The following PPP1R13B variants were observed in gnomAD, a reference collection of about 807,000 sequenced individuals.
PPP1R13B encodes the protein apoptosis-stimulating of p53 protein 1.
Under a neutral mutation model 119.8 loss-of-function variants are expected in PPP1R13B, and 44 were observed. That is an observed-to-expected ratio of 0.37 (90% confidence interval 0.29 to 0.47). PPP1R13B has a LOEUF of 0.47. PPP1R13B is among the 20% of genes least tolerant of loss of function. PPP1R13B has a pLI of 0.99. For missense variants in PPP1R13B, 1,227 were observed against 1,413.5 expected (o/e 0.87, Z 2.12); for synonymous variants, 542 against 561.5 (o/e 0.97, Z 0.49).
intron 4 of PPP1R13B, chr14:103,762,850 GAGTGGAAAA>G (rs2151994019): frequency 9.8e-7 from 1 of 1,025,350 alleles, no homozygotes; most frequent in South Asian, 1.4e-5. Context: ...AAGCAGGGAA[GAGTGGAAAA>G]AGTTCAAAAG....
At chr14:103,803,276 G>C (rs1371330788) in intron 1 of PPP1R13B, among the ~76,000 whole-genome samples, 2 of 152,056 alleles carry the variant, frequency 1.3e-5, no homozygotes, top group African/African-American at 2.4e-5. Flanking sequence ...AATTCAGTAG[G>C]ATTAAGGAAA....
rs2084213419 is a variant in PPP1R13B, at chr14:103,740,023, G to A, written c.2393C>T (p.Ser798Phe). The change falls in exon 12 of 17, where the codon TCC (serine) becomes TTC (phenylalanine). Residue 798 changes from serine (S) to phenylalanine (F), a missense_variant. Transcript: ENST00000202556. This position sits in a 1 kb window ranked among gnomAD's most constrained non-coding sequence, Gnocchi z 4.6. ...SSDANDNELP[S>F]PEPEELICPQ... ...ACAGATGAGCTCCTCTGGTTCGGGGGAAGGTAACTCATTATCATTGGCATC... is the reference window on the plus strand; with the variant it reads ...ACAGATGAGCTCCTCTGGTTCGGGGAAAGGTAACTCATTATCATTGGCATC... 2 of 1,613,932 alleles carry A rather than the reference G, an allele frequency of 1.2e-6. No homozygotes were observed. Among genetic ancestry groups the A allele is most frequent in the African/African-American group, 1.3e-5 (1 of 74,948 alleles).
Position 103,734,897 on chromosome 14 carries a change from G to C in PPP1R13B, c.*257C>G. The C allele has an allele frequency of 1.7e-6, 1 of 605,780 alleles. No individual in the cohort carries two copies. Among genetic ancestry groups the C allele is most frequent in the East Asian group, 3.4e-5 (1 of 29,424 alleles). The allele number at this position is 605,780 out of a possible 1,614,324, so 37.5% of individuals were successfully genotyped here. On this transcript the variant is annotated 3_prime_UTR_variant, in exon 17 of 17. Transcript: ENST00000202556. ...TAATGGCAAGAGGGGTGGGTGTTTTGAAAGTGGGTATTTATTTGGATTTAT... is the reference window on the plus strand; with the variant it reads ...TAATGGCAAGAGGGGTGGGTGTTTTCAAAGTGGGTATTTATTTGGATTTAT...
At chr14:103,837,917 A>G (rs2086814857) in intron 1 of PPP1R13B, among the ~76,000 whole-genome samples, 6 of 152,076 alleles carry the variant, frequency 3.9e-5, no homozygotes, top group Non-Finnish European at 1.5e-5. Flanking sequence ...TCAGGAGTTC[A>G]AGACCAGCCT....
At chr14:103,739,466 C>T (rs543593501) in intron 12 of PPP1R13B, among the ~76,000 whole-genome samples, 1 of 152,184 alleles carries the variant, frequency 6.6e-6, no homozygotes, top group African/African-American at 2.4e-5. Flanking sequence ...CTCTCTGCTC[C>T]GTCAACACTG....
chr14:103,737,716 G>A lies in PPP1R13B; in HGVS notation c.3009C>T (p.Ile1003=). ...DKCEEMEEGY[I]QCSQFLYGVQ... is the part of the protein sequence containing the mutation. ...TACCATATAGAAACTGGGAGCACTG[G>A]ATGTAGCCTTCCTCCATCTCCTCAC... Residue 1003 remains isoleucine (I), a synonymous_variant, in exon 15 of 17, where the codon ATC becomes ATT. Transcript: ENST00000202556. 1 of 1,614,194 alleles carries A rather than the reference G, an allele frequency of 6.2e-7. No homozygotes were observed. Among genetic ancestry groups the A allele is most frequent in the Non-Finnish European group, 8.5e-7 (1 of 1,180,028 alleles).
chr14:103,771,211 G>A (rs905401214), intron 4 of PPP1R13B, among the ~76,000 whole-genome samples: 5 of 152,108 alleles, frequency 3.3e-5, no homozygotes, highest in Non-Finnish European at 7.4e-5. Context: ...ATTGAGCCTA[G>A]CTTGTGCCTA....
At chr14:103,818,694 T>G (rs777989788) in intron 1 of PPP1R13B, among the ~76,000 whole-genome samples, 12 of 152,166 alleles carry the variant, frequency 7.9e-5, no homozygotes, top group Non-Finnish European at 1.8e-4. Flanking sequence ...CCATGCTGAC[T>G]CAACTAAGAA....
chr14:103,780,485 CAAAAAAAAAAAAA>C (rs34274916), intron 3 of PPP1R13B, among the ~76,000 whole-genome samples: 66 of 36,216 alleles, frequency 1.8e-3, no homozygotes, highest in Admixed American at 5.4e-3. Context: ...AACCCTGTCT[CAAAAAAAAAAAAA>C]AAAAAAAAAA....
chr14:103,819,519 A>AC (rs1281488863), intron 1 of PPP1R13B, among the ~76,000 whole-genome samples: 4 of 151,970 alleles, frequency 2.6e-5, no homozygotes, highest in Admixed American at 2.6e-4. Flanking sequence ...AAACAAACAA[A>AC]AAAAAACAAC....
chr14:103,751,775 C>T (rs765277152), intron 7 of PPP1R13B, among the ~76,000 whole-genome samples: 2 of 152,184 alleles, frequency 1.3e-5, no homozygotes, highest in Non-Finnish European at 2.9e-5. Flanking sequence ...GCACCTTGAT[C>T]TTGGACTTCC....
chr14:103,736,249 A>G, intron 15 of PPP1R13B, 47 bp from the exon 16 acceptor site: 1 of 1,583,288 alleles, frequency 6.3e-7, no homozygotes, highest in South Asian at 1.1e-5. Context: ...GGTGGCCTGC[A>G]GCAAGGGACC....
intron 2 of PPP1R13B, among the ~76,000 whole-genome samples, chr14:103,790,260 A>AAT (rs2085583836): frequency 6.6e-6 from 1 of 151,180 alleles, no homozygotes; most frequent in African/African-American, 2.4e-5. Flanking sequence ...AAAAAAAAAA[A>AAT]GAAATGAAAA....
rs557258456 is a variant in PPP1R13B, at chr14:103,737,878, T to C, written c.2865-18A>G. 11 of 1,609,272 alleles carry C rather than the reference T, an allele frequency of 6.8e-6. No individual in the cohort carries two copies. The highest frequency in any genetic ancestry group is 9.3e-6 in the Non-Finnish European group (11 of 1,177,892). On this transcript the variant is annotated intron_variant, in intron 14 of 16. Transcript: ENST00000202556. ...GCGGCGTCCTGGAATAGAGCGTGGG[T>C]GAAGGTGCAGGCCTGGCACTGCCTG...
chr14:103,845,509 G>A (rs936677050), intron 1 of PPP1R13B, among the ~76,000 whole-genome samples: 3 of 152,016 alleles, frequency 2.0e-5, no homozygotes, highest in Admixed American at 6.6e-5. Flanking sequence ...TGAGAAATCC[G>A]AAGAAATGCC....
intron 1 of PPP1R13B, among the ~76,000 whole-genome samples, chr14:103,824,923 T>C (rs539019280): frequency 6.7e-6 from 1 of 150,162 alleles, no homozygotes; most frequent in South Asian, 2.1e-4. Flanking sequence ...TGTGCTTTGC[T>C]TTATTGAGTT....
intron 1 of PPP1R13B, among the ~76,000 whole-genome samples, chr14:103,806,315 C>T (rs530402192): frequency 1.3e-5 from 2 of 152,310 alleles, no homozygotes; most frequent in South Asian, 4.1e-4. Context: ...TTAGATCCCC[C>T]AGCTCACCTA....
chr14:103,819,281 T>C (rs531503642), intron 1 of PPP1R13B, among the ~76,000 whole-genome samples: 1 of 152,012 alleles, frequency 6.6e-6, no homozygotes, highest in East Asian at 1.9e-4. Context: ...GCCATAAAGG[T>C]TTACAGGTTC....
At chr14:103,839,146 G>A (rs2086844502) in intron 1 of PPP1R13B, among the ~76,000 whole-genome samples, 1 of 152,138 alleles carries the variant, frequency 6.6e-6, no homozygotes, top group Non-Finnish European at 1.5e-5. Context: ...CCAAGTAGCT[G>A]TGATTACAGG....
Sources: allele counts gnomAD v4.1 joint callset (sites outside exome capture counted in the v4.1 genomes callset), GRCh38; gene constraint gnomAD v4.1.1; non-coding constraint Gnocchi (gnomAD v3.1); transcripts MANE v1.5; gene names NCBI Gene and HGNC (gene_info 2026-07-23, HGNC 2026-07-21).